Variants in RAB11FIP3 observed in about 807,000 individuals in gnomAD.
The protein encoded by RAB11FIP3 is rab11 family-interacting protein 3.
Under a neutral mutation model 77.8 loss-of-function variants are expected in RAB11FIP3, and 17 were observed. The observed-to-expected ratio is 0.22, with a 90% confidence interval of 0.15 to 0.33. The LOEUF (loss-of-function observed/expected upper bound fraction) is 0.33. RAB11FIP3 is among the 10% of genes least tolerant of loss of function. The pLI is 1.00. For synonymous variants in RAB11FIP3, 437 were observed against 448.2 expected (o/e 0.98, Z 0.31); for missense variants, 1,005 against 1,011.2 (o/e 0.99, Z 0.08).
At chr16:479,799 T>C (rs929916894) in intron 3 of RAB11FIP3, among the ~76,000 whole-genome samples, 71 of 152,012 alleles carry the variant, frequency 4.7e-4, no homozygotes, top group African/African-American at 1.6e-3. Flanking sequence ...TTACCTGTGG[T>C]CTCAGCTACT....
chr16:452,749 T>A (rs1337508823), intron 1 of RAB11FIP3, among the ~76,000 whole-genome samples: 1 of 71,320 alleles, frequency 1.4e-5, no homozygotes, highest in African/African-American at 5.9e-5. Flanking sequence ...CTTTATTTTT[T>A]AATTTTTTTT....
chr16:474,045 A>G (rs2055856308), intron 3 of RAB11FIP3, among the ~76,000 whole-genome samples: 1 of 152,198 alleles, frequency 6.6e-6, no homozygotes, highest in South Asian at 2.1e-4. Context: ...AATTTTCCAC[A>G]AAGTGGAGTT....
At chr16:459,736 G>A (rs1266454964) in intron 1 of RAB11FIP3, among the ~76,000 whole-genome samples, 1 of 152,010 alleles carries the variant, frequency 6.6e-6, no homozygotes, top group Non-Finnish European at 1.5e-5. Context: ...GCACCTGGCT[G>A]CAATGTGGTT....
At chr16:448,971 G>T (rs2055363627) in intron 1 of RAB11FIP3, among the ~76,000 whole-genome samples, 1 of 152,066 alleles carries the variant, frequency 6.6e-6, no homozygotes, top group Non-Finnish European at 1.5e-5. Context: ...AAACAGGATG[G>T]AAATTATACC....
chr16:462,433 C>T (rs1001042092), intron 2 of RAB11FIP3, among the ~76,000 whole-genome samples: 1 of 152,104 alleles, frequency 6.6e-6, no homozygotes, highest in South Asian at 2.1e-4. Flanking sequence ...CGGGGTTTCA[C>T]CATGTTGGCG....
intron 7 of RAB11FIP3, among the ~76,000 whole-genome samples, chr16:503,818 T>G (rs1166706261): frequency 1.3e-5 from 2 of 151,824 alleles, no homozygotes; most frequent in Non-Finnish European, 1.5e-5. Context: ...AGGTGGAGGT[T>G]GCAGTGAGCC....
rs1318460912 is a variant in RAB11FIP3, at chr16:472,813, CT to C, written c.903+1427del. 6.6e-6 allele frequency among the ~76,000 whole-genome samples: 1 copy of C among 152,150 alleles called. No homozygotes were observed. The highest frequency in any genetic ancestry group is 6.5e-5 in the Admixed American group (1 of 15,274). On this transcript the variant is annotated intron_variant, in intron 3 of 13. Coordinates refer to ENST00000262305, the MANE Select transcript of RAB11FIP3 (RefSeq NM_014700.4). The surrounding 1 kb of genome is among the most constrained non-coding windows in gnomAD (Gnocchi z 4.1). ...ATGTGGCCTTATTTGGAAAAAGGGT[CT>C]TTGCGGATGTAGTTCATTAAGGATC...
chr16:492,629 C>T (rs1036198270), intron 5 of RAB11FIP3, among the ~76,000 whole-genome samples: 4 of 151,806 alleles, frequency 2.6e-5, no homozygotes, highest in South Asian at 4.1e-4. Context: ...GTTCAAGGCC[C>T]GGCGACGATG....
chr16:461,445 C>A lies in RAB11FIP3; in HGVS notation c.756C>A (p.Gly252=). 1.2e-6 allele frequency: 2 copies of A among 1,613,968 alleles called. No homozygotes were observed. Among genetic ancestry groups the A allele is most frequent in the Middle Eastern group, 1.7e-4 (1 of 6,060 alleles). The change falls in exon 2 of 14, where the codon GGC becomes GGA. Residue 252 remains glycine (G), a synonymous_variant. Coordinates refer to ENST00000262305, the MANE Select transcript of RAB11FIP3 (RefSeq NM_014700.4). This position sits in a 1 kb window ranked among gnomAD's most constrained non-coding sequence, Gnocchi z 4.5. ...AGTACTTGGATCCCAGTGGGCTCGG[C>A]GTGATCAGCTTTGAAGACTTCTACC... ...LTKYLDPSGL[G]VISFEDFYQG...
intron 6 of RAB11FIP3, among the ~76,000 whole-genome samples, chr16:497,954 A>T (rs1024258994): frequency 6.7e-6 from 1 of 148,684 alleles, no homozygotes; most frequent in African/African-American, 2.5e-5. Flanking sequence ...AAAAAAAAAA[A>T]ATTAAAAATT....
intron 6 of RAB11FIP3, among the ~76,000 whole-genome samples, chr16:498,519 G>C (rs1445348174): frequency 6.6e-6 from 1 of 151,864 alleles, no homozygotes; most frequent in African/African-American, 2.4e-5. Context: ...TCTTTTCTTG[G>C]CTTTCTTTTC....
At chr16:500,787 G>A (rs1487464049) in intron 6 of RAB11FIP3, among the ~76,000 whole-genome samples, 1 of 151,458 alleles carries the variant, frequency 6.6e-6, no homozygotes, top group African/African-American at 2.4e-5. Flanking sequence ...TGGTGGCCAC[G>A]TGTGGTGGCT....
At chr16:486,387 G>A (rs1352292431) in intron 4 of RAB11FIP3, among the ~76,000 whole-genome samples, 3 of 152,200 alleles carry the variant, frequency 2.0e-5, no homozygotes, top group Non-Finnish European at 2.9e-5. Context: ...AGCTACTCGG[G>A]AGGCTGAGGC....
chr16:484,368 T>TC (rs1325987823), intron 4 of RAB11FIP3, among the ~76,000 whole-genome samples: 2 of 152,072 alleles, frequency 1.3e-5, no homozygotes, highest in African/African-American at 4.8e-5. Context: ...TTTTTTTTTT[T>TC]TGAGACGGAG....
Position 425,745 on chromosome 16 carries a change from T to G in RAB11FIP3, c.-262T>G. 1 of 316,140 alleles carries G rather than the reference T, an allele frequency of 3.2e-6. No individual in the cohort carries two copies. The highest frequency in any genetic ancestry group is 5.7e-6 in the Non-Finnish European group (1 of 174,554). The allele number at this position is 316,140 out of a possible 1,614,324, so 19.6% of individuals were successfully genotyped here. On this transcript the variant is annotated 5_prime_UTR_variant, in exon 1 of 14. Coordinates refer to ENST00000262305, the MANE Select transcript of RAB11FIP3 (RefSeq NM_014700.4). ...CCTCCTCGGCCCCCGTCCCCCGCCATCCGCCGCCCGGATCCTCGCCGCCCT... is the reference window on the plus strand; with the variant it reads ...CCTCCTCGGCCCCCGTCCCCCGCCAGCCGCCGCCCGGATCCTCGCCGCCCT...
In RAB11FIP3 at chr16:479,945, G is replaced by A. The variant is rs535353269; in HGVS notation, c.904-2580G>A. On this transcript the variant is annotated intron_variant, in intron 3 of 13. Transcript: ENST00000262305. Reference sequence around the variant, plus strand: ...ACAACAACAACAAAAATTACTCAGAGTACCTTGTTTTCTGCTCTCAGACAT... The same window carrying A: ...ACAACAACAACAAAAATTACTCAGAATACCTTGTTTTCTGCTCTCAGACAT... Among the ~76,000 whole-genome samples the A allele has an allele frequency of 3.3e-5, 5 of 151,590 alleles. No individual in the cohort carries two copies. In the South Asian group the frequency reaches 1.0e-3, roughly 32 times the overall value.
At chr16:458,362 C>G (rs2141637193) in intron 1 of RAB11FIP3, among the ~76,000 whole-genome samples, 1 of 152,360 alleles carries the variant, frequency 6.6e-6, no homozygotes. Context: ...TGCTTGGTAG[C>G]AGCCCCGGCA....
intron 3 of RAB11FIP3, among the ~76,000 whole-genome samples, chr16:477,413 A>G (rs543975827): frequency 8.5e-5 from 13 of 152,168 alleles, no homozygotes; most frequent in South Asian, 4.2e-4. Flanking sequence ...TGAGTGTGCA[A>G]TCCTGTTGGG....
chr16:462,659 A>AGCACCGTCCCTTCCCCG (rs1191304879), intron 2 of RAB11FIP3, among the ~76,000 whole-genome samples: 67 of 145,170 alleles, frequency 4.6e-4, no homozygotes, highest in Non-Finnish European at 6.7e-4. Flanking sequence ...TCCCTTCCGC[A>AGCACCGTCCCTTCCCCG]GCACCGTCCC....
Sources: gnomAD v4.1 joint callset for allele counts (sites outside exome capture counted in the v4.1 genomes callset) on GRCh38, gnomAD v4.1.1 for gene constraint, Gnocchi (gnomAD v3.1) non-coding constraint, MANE v1.5 for transcripts, NCBI Gene and HGNC (gene_info 2026-07-23, HGNC 2026-07-21) for gene names.